Variants in FGFR4 observed in about 807,000 individuals in gnomAD.
FGFR4 encodes hydroxyaryl-protein kinase.
Under a neutral mutation model 89.9 loss-of-function variants are expected in FGFR4, and 63 were observed. That is an observed-to-expected ratio of 0.70 (90% CI 0.57 to 0.86). The LOEUF is 0.86. Ranked by LOEUF, FGFR4 falls within the 40% of genes least tolerant of loss-of-function variation. The pLI is 0.00. For missense variants in FGFR4, 928 were observed against 1,106.7 expected (o/e 0.84, Z 2.29); for synonymous variants, 486 against 479.4 (o/e 1.01, Z -0.18).
Position 177,093,597 on chromosome 5 carries a change from GC to G in FGFR4, c.1397+49del, listed in dbSNP as rs764496077. On this transcript the variant is annotated intron_variant, in intron 10 of 17. Coordinates refer to ENST00000292408, the MANE Select transcript of FGFR4 (RefSeq NM_213647.3). This position sits in a 1 kb window ranked among gnomAD's most constrained non-coding sequence, Gnocchi z 5.8. ...GCAGGGACGCGGGCGCCGGGTTGCAGCCCGCCCTCCGCAGGAGTGACTCGGA... is the reference window on the plus strand; with the variant it reads ...GCAGGGACGCGGGCGCCGGGTTGCAGCCGCCCTCCGCAGGAGTGACTCGGA... The G allele has an allele frequency of 9.9e-6, 16 of 1,612,758 alleles. No individual in the cohort carries two copies. Among genetic ancestry groups the G allele is most frequent in the Non-Finnish European group, 1.4e-5 (16 of 1,178,952 alleles).
At position 177,093,608 on chromosome 5, in the gene FGFR4, G is replaced by T. The variant is rs755824833; in HGVS notation, c.1398-46G>T. 1.8e-5 allele frequency: 29 copies of T among 1,613,526 alleles called. No individual in the cohort carries two copies. Among genetic ancestry groups the T allele is most frequent in the Non-Finnish European group, 2.4e-5 (28 of 1,179,642 alleles). Reference sequence around the variant, plus strand: ...GGCGCCGGGTTGCAGCCCGCCCTCCGCAGGAGTGACTCGGAGGTCTGAGGC... The same window carrying T: ...GGCGCCGGGTTGCAGCCCGCCCTCCTCAGGAGTGACTCGGAGGTCTGAGGC... On this transcript the variant is annotated intron_variant, in intron 10 of 17. Transcript: ENST00000292408. The surrounding 1 kb of genome is among the most constrained non-coding windows in gnomAD (Gnocchi z 5.8).
chr5:177,095,690 G>A lies in FGFR4; in HGVS notation c.1788G>A (p.Val596=), dbSNP rs1317851809. The change falls in exon 13 of 18, where the codon GTG becomes GTA. Residue 596 remains valine, a synonymous_variant. Coordinates refer to ENST00000292408, the MANE Select transcript of FGFR4 (RefSeq NM_213647.3). The surrounding 1 kb of genome is among the most constrained non-coding windows in gnomAD (Gnocchi z 5.7). ...TCCTGGTCTCCTGCGCCTACCAGGT[G>A]GCCCGAGGCATGCAGTATCTGGAGT... ...FPVLVSCAYQ[V]ARGMQYLESR... The A allele has an allele frequency of 3.1e-6, 5 of 1,609,172 alleles. No homozygotes were observed. The highest frequency in any genetic ancestry group is 1.7e-5 in the Admixed American group (1 of 59,530).
chr5:177,091,771 G>A lies in FGFR4; in HGVS notation c.690G>A (p.Val230=), dbSNP rs1784375723. 2 of 1,614,218 alleles carry A rather than the reference G, an allele frequency of 1.2e-6. No homozygotes were observed. The highest frequency in any genetic ancestry group is 4.5e-5 in the East Asian group (2 of 44,884). The change falls in exon 6 of 18, where the codon GTG becomes GTA. Residue 230 remains valine, a synonymous_variant. Coordinates refer to ENST00000292408, the MANE Select transcript of FGFR4 (RefSeq NM_213647.3). ...ACACCTGCCTGGTAGAGAACGCTGT[G>A]GGCAGCATCCGCTATAACTACCTGC... ...GTYTCLVENA[V]GSIRYNYLLD...
rs768137736 is a variant in FGFR4, at chr5:177,096,697, G to A, written c.2109G>A (p.Arg703=). 5.0e-6 allele frequency: 8 copies of A among 1,605,034 alleles called. No individual in the cohort carries two copies. The East Asian group carries it at 6.7e-5, about 13-fold the overall frequency. The change falls in exon 16 of 18, where the codon CGG becomes CGA. Residue 703 remains arginine, a synonymous_variant. Coordinates refer to ENST00000292408, the MANE Select transcript of FGFR4 (RefSeq NM_213647.3). ...TGGAGGAGCTGTTCTCGCTGCTGCG[G>A]GAGGGACATCGGATGGACCGACCCC... is the stretch of plus-strand genomic sequence containing the variant. ...IPVEELFSLL[R]EGHRMDRPPH...
At chr5:177,089,039 C>T (rs561502819) in intron 1 of FGFR4, among the ~76,000 whole-genome samples, 182 of 152,258 alleles carry the variant, frequency 1.2e-3, no homozygotes, top group African/African-American at 3.9e-3. Context: ...CTGCTTGCCA[C>T]GGAAGGGGCC....
intron 6 of FGFR4, 77 bp from the exon 7 acceptor site, chr5:177,092,243 AG>A: frequency 8.4e-6 from 12 of 1,421,450 alleles, no homozygotes; most frequent in Non-Finnish European, 1.1e-5. Context: ...CTTGAACTTG[AG>A]GAAGGCTGGA....
chr5:177,091,814 C>T lies in FGFR4; in HGVS notation c.727+6C>T, dbSNP rs369336618. ...CTACCTGCTAGATGTGCTGGGTGAG[C>T]GCGGGGCTGGGAACAGGGGAGGCCT... On this transcript the variant is annotated splice_donor_region_variant and intron_variant, in intron 6 of 17. Transcript: ENST00000292408. 38 of 1,613,806 alleles carry T rather than the reference C, an allele frequency of 2.4e-5. No homozygotes were observed. The highest frequency in any genetic ancestry group is 6.7e-5 in the East Asian group (3 of 44,878).
At chr5:177,088,698 A>AT (rs1319453835) in intron 1 of FGFR4, among the ~76,000 whole-genome samples, 1 of 152,204 alleles carries the variant, frequency 6.6e-6, no homozygotes, top group African/African-American at 2.4e-5. Flanking sequence ...GTGTGTGTAC[A>AT]TCACAGCCTG....
Position 177,093,292 on chromosome 5 carries a change from C to T in FGFR4, c.1212C>T (p.Ala404=), listed in dbSNP as rs2149735448. 6.2e-7 allele frequency: 1 copy of T among 1,613,652 alleles called. No individual in the cohort carries two copies. The highest frequency in any genetic ancestry group is 2.2e-5 in the East Asian group (1 of 44,862). ...ACGGCCGGCACCCCCGCCCGCCCGC[C>T]ACTGTGCAGAAGCTCTCCCGCTTCC... ...ALHGRHPRPP[A]TVQKLSRFPL... The change falls in exon 9 of 18, where the codon GCC becomes GCT. Residue 404 remains alanine (A), a synonymous_variant. Transcript: ENST00000292408. This position sits in a 1 kb window ranked among gnomAD's most constrained non-coding sequence, Gnocchi z 5.8.
At position 177,095,134 on chromosome 5, in the gene FGFR4, C is replaced by T. The variant is rs45453601; in HGVS notation, c.1520-196C>T. 393 of 596,156 alleles carry T rather than the reference C, an allele frequency of 6.6e-4. 2 individuals are homozygous for T. Among genetic ancestry groups the T allele is most frequent in the African/African-American group, 6.5e-3 (353 of 54,092 alleles). The allele number at this position is 596,156 out of a possible 1,614,324, so 36.9% of individuals were successfully genotyped here. The stretch of plus-strand genomic sequence containing the variant: ...CTGCTGTGACAGGCAGGGTGTGACC[C>T]ACTGCTCTGTTTCCCACAAGACGAA... On this transcript the variant is annotated intron_variant, in intron 11 of 17. Transcript: ENST00000292408. The surrounding 1 kb of genome is among the most constrained non-coding windows in gnomAD (Gnocchi z 5.7).
chr5:177,097,494 G>A (rs200996722), intron 17 of FGFR4, 33 bp from the exon 18 acceptor site: 77 of 1,602,110 alleles, frequency 4.8e-5, no homozygotes, highest in South Asian at 5.6e-5. Flanking sequence ...CATCCCGGGC[G>A]CTGCAGAGGC....
Position 177,092,775 on chromosome 5 carries a change from G to A in FGFR4, c.1048G>A (p.Val350Met). 1.2e-6 allele frequency: 2 copies of A among 1,614,232 alleles called. No homozygotes were observed. The highest frequency in any genetic ancestry group is 1.7e-6 in the Non-Finnish European group (2 of 1,180,050). The change falls in exon 8 of 18, where the codon GTG becomes ATG. Residue 350 changes from valine to methionine, a missense_variant. Physicochemically the swap from Val to Met is conservative, Grantham distance 21. This residue lies in a region of FGFR4 where 741 missense variants were observed against 836.9 expected (regional missense o/e 0.89). Transcript: ENST00000292408. Reference sequence around the variant, plus strand: ...CTCCTACCAGTCTGCCTGGCTCACGGTGCTGCCAGGTGAGCACCTGAAGGG... The same window carrying A: ...CTCCTACCAGTCTGCCTGGCTCACGATGCTGCCAGGTGAGCACCTGAAGGG... ...GLSYQSAWLT[V>M]LPEEDPTWTA...
chr5:177,093,451 G>A lies in FGFR4; in HGVS notation c.1297G>A (p.Val433Ile). ...TTCCGGCAAGTCAAGCTCATCCCTGGTACGAGGCGTGCGTCTCTCCTCCAG... is the reference window on the plus strand; with the variant it reads ...TTCCGGCAAGTCAAGCTCATCCCTGATACGAGGCGTGCGTCTCTCCTCCAG... ...GSSGKSSSSL[V>I]RGVRLSSSGP... Residue 433 changes from valine to isoleucine, a missense_variant, in exon 10 of 18, where the codon GTA (valine) becomes ATA (isoleucine). Physicochemically the swap from Val to Ile is conservative, Grantham distance 29. Around this residue, in one of 5 missense-constraint regions of FGFR4, gnomAD observed 741 missense variants for 836.9 expected, o/e 0.89. Coordinates refer to ENST00000292408, the MANE Select transcript of FGFR4 (RefSeq NM_213647.3). The surrounding 1 kb of genome is among the most constrained non-coding windows in gnomAD (Gnocchi z 5.8). 1 of 1,614,052 alleles carries A rather than the reference G, an allele frequency of 6.2e-7. No homozygotes were observed.
Position 177,095,919 on chromosome 5 carries a change from G to T in FGFR4, c.1822-138G>T. 7.5e-7 allele frequency: 1 copy of T among 1,338,746 alleles called. No individual in the cohort carries two copies. The highest frequency in any genetic ancestry group is 2.7e-5 in the Admixed American group (1 of 36,946). 82.9% of individuals were successfully genotyped at this position (1,338,746 alleles called of 1,614,324 possible). Reference sequence around the variant, plus strand: ...GAGGGGAGAGGGGACGCAGGAGAAGGCACTCCCCGTTTCTAAACCTTGACC... The same window carrying T: ...GAGGGGAGAGGGGACGCAGGAGAAGTCACTCCCCGTTTCTAAACCTTGACC... On this transcript the variant is annotated intron_variant, in intron 13 of 17. Coordinates refer to ENST00000292408, the MANE Select transcript of FGFR4 (RefSeq NM_213647.3). This position sits in a 1 kb window ranked among gnomAD's most constrained non-coding sequence, Gnocchi z 5.7.
intron 2 of FGFR4, chr5:177,090,132 A>ATGTG (rs748758849): frequency 9.8e-5 from 53 of 538,728 alleles, no homozygotes; most frequent in East Asian, 5.0e-4. Context: ...GTGTGTGTGT[A>ATGTG]TGCGTGTGTG....
In FGFR4 at chr5:177,092,356, C is replaced by A; in HGVS notation, c.763C>A (p.Leu255Ile). 6.3e-7 allele frequency: 1 copy of A among 1,599,554 alleles called. No homozygotes were observed. Among genetic ancestry groups the A allele is most frequent in the Non-Finnish European group, 8.5e-7 (1 of 1,169,902 alleles). Residue 255 changes from leucine to isoleucine, a missense_variant, in exon 7 of 18, where the codon CTC becomes ATC. Leu to Ile is a conservative substitution (Grantham distance 5). Transcript: ENST00000292408. ...GCACCGGCCCATCCTGCAGGCCGGG[C>A]TCCCGGCCAACACCACAGCCGTGGT... ...SPHRPILQAG[L>I]PANTTAVVGS...
At position 177,093,053 on chromosome 5, in the gene FGFR4, G is replaced by A; in HGVS notation, c.1058-85G>A. ...GTGTCCCCACATATGTTGGGAGCTG[G>A]GAGGGACTGAGTTAGGGTGCACGGG... On this transcript the variant is annotated intron_variant, in intron 8 of 17. Coordinates refer to ENST00000292408, the MANE Select transcript of FGFR4 (RefSeq NM_213647.3). The surrounding 1 kb of genome is among the most constrained non-coding windows in gnomAD (Gnocchi z 5.8). 1 of 1,554,018 alleles carries A rather than the reference G, an allele frequency of 6.4e-7. No individual in the cohort carries two copies. Among genetic ancestry groups the A allele is most frequent in the African/African-American group, 1.4e-5 (1 of 73,886 alleles).
chr5:177,092,285 C>T (rs768292586), intron 6 of FGFR4, 36 bp from the exon 7 acceptor site: 2 of 1,508,602 alleles, frequency 1.3e-6, no homozygotes, highest in Non-Finnish European at 1.8e-6. Flanking sequence ...CTATGGGTGC[C>T]GGTGGTCAGG....
In FGFR4 at chr5:177,097,852, C is replaced by T; in HGVS notation, c.*176C>T. The T allele has an allele frequency of 1.4e-6, 1 of 699,388 alleles. No homozygotes were observed. The highest frequency in any genetic ancestry group is 2.2e-6 in the Non-Finnish European group (1 of 454,310). 43.3% of individuals were successfully genotyped at this position (699,388 alleles called of 1,614,324 possible). ...GCTGCCGTGCCTGTGTCCTGATGGC[C>T]CAAATGTCAGGGTTCTGCTCGGCTT... On this transcript the variant is annotated 3_prime_UTR_variant, in exon 18 of 18. Transcript: ENST00000292408.
Sources: allele counts gnomAD v4.1 joint callset (sites outside exome capture counted in the v4.1 genomes callset), GRCh38; gene constraint gnomAD v4.1.1; regional missense constraint gnomAD v4.1.1; non-coding constraint Gnocchi (gnomAD v3.1); transcripts MANE v1.5; gene names NCBI Gene and HGNC (gene_info 2026-07-23, HGNC 2026-07-21).